THEMIS: variants seen among roughly 807,000 people sequenced by gnomAD.
THEMIS encodes protein THEMIS.
THEMIS carries 37 observed loss-of-function variants against 52.6 expected under a neutral mutation model. That is an observed-to-expected ratio of 0.70 (90% CI 0.54 to 0.93). THEMIS has a LOEUF of 0.93. THEMIS is among the 40% of genes least tolerant of loss of function. THEMIS has a pLI of 0.00. For synonymous variants in THEMIS, 292 were observed against 272.7 expected (o/e 1.07, Z -0.70); for missense variants, 808 against 763.1 (o/e 1.06, Z -0.69).
chr6:127,734,140 A>C (rs933151109), intron 4 of THEMIS, among the ~76,000 whole-genome samples: 1 of 152,234 alleles, frequency 6.6e-6, no homozygotes, highest in Non-Finnish European at 1.5e-5. Context: ...AGATTAAAGA[A>C]GATTTTAAAA....
intron 4 of THEMIS, among the ~76,000 whole-genome samples, chr6:127,757,045 T>C (rs1435337955): frequency 6.6e-6 from 1 of 152,192 alleles, no homozygotes. Context: ...CAGTAGAACT[T>C]TCTCTGACGA....
At chr6:127,729,196 C>A (rs1045042258) in intron 4 of THEMIS, among the ~76,000 whole-genome samples, 1 of 79,376 alleles carries the variant, frequency 1.3e-5, no homozygotes, top group Non-Finnish European at 3.1e-5. Context: ...CTCTCTCTCT[C>A]TCTCTCTTCA....
At chr6:127,725,259 C>T (rs1451350558) in intron 4 of THEMIS, among the ~76,000 whole-genome samples, 3 of 152,040 alleles carry the variant, frequency 2.0e-5, no homozygotes, top group Non-Finnish European at 2.9e-5. Flanking sequence ...CTCTCATTAA[C>T]TAACTTTCTT....
chr6:127,893,562 A>G (rs1780874166), intron 1 of THEMIS, among the ~76,000 whole-genome samples: 1 of 152,172 alleles, frequency 6.6e-6, no homozygotes, highest in African/African-American at 2.4e-5. Context: ...GCTTCACATC[A>G]ATAGGGCATA....
chr6:127,758,319 G>T (rs867397020), intron 4 of THEMIS, among the ~76,000 whole-genome samples: 5 of 149,316 alleles, frequency 3.3e-5, no homozygotes, highest in African/African-American at 1.2e-4. Context: ...ACCCACAAAC[G>T]GATCAATTTC....
intron 1 of THEMIS, among the ~76,000 whole-genome samples, chr6:127,879,081 T>C (rs945210109): frequency 2.6e-5 from 4 of 152,178 alleles, no homozygotes; most frequent in African/African-American, 9.7e-5. Flanking sequence ...ATTTGCTAGA[T>C]GTCAATTTAG....
At chr6:127,857,229 G>T (rs2114311121) in intron 1 of THEMIS, among the ~76,000 whole-genome samples, 1 of 152,058 alleles carries the variant, frequency 6.6e-6, no homozygotes. Flanking sequence ...GAAATACAGG[G>T]CAATGTGGGA....
At chr6:127,865,170 G>A (rs945782334) in intron 1 of THEMIS, among the ~76,000 whole-genome samples, 7 of 152,122 alleles carry the variant, frequency 4.6e-5, no homozygotes, top group Admixed American at 4.6e-4. Flanking sequence ...CTCATACAGT[G>A]TGGCCAAGGA....
intron 1 of THEMIS, among the ~76,000 whole-genome samples, chr6:127,912,016 G>A (rs1050641757): frequency 3.3e-5 from 5 of 152,096 alleles, no homozygotes; most frequent in African/African-American, 1.2e-4. Flanking sequence ...TTGGGTTATG[G>A]GTTTGCAGCT....
intron 4 of THEMIS, among the ~76,000 whole-genome samples, chr6:127,730,079 G>A (rs1774707864): frequency 1.3e-5 from 2 of 151,976 alleles, no homozygotes; most frequent in Non-Finnish European, 2.9e-5. Flanking sequence ...AGACAAGCCT[G>A]AGCAATATAG....
chr6:127,761,015 T>C lies in THEMIS; in HGVS notation c.1759-41192A>G, dbSNP rs754539526. The stretch of plus-strand genomic sequence containing the variant: ...ATTGACAAAATAATAAGACAACCTA[T>C]AGAATGGGAGAAAATGTTTGCAAAT... On this transcript the variant is annotated intron_variant, in intron 4 of 5. Transcript: ENST00000368248. Among the ~76,000 whole-genome samples, 108 of 152,062 alleles carry C rather than the reference T, an allele frequency of 7.1e-4. 1 individual carries two copies. Among genetic ancestry groups the C allele is most frequent in the Middle Eastern group, 6.8e-3 (2 of 294 alleles).
intron 4 of THEMIS, chr6:127,807,416 A>T (rs1414160758): frequency 2.0e-5 from 4 of 199,900 alleles, no homozygotes; most frequent in African/African-American, 1.0e-4. Flanking sequence ...TGTATCTCAC[A>T]GTCAAAAAAG....
At chr6:127,773,346 G>C (rs1408619126) in intron 4 of THEMIS, among the ~76,000 whole-genome samples, 1 of 152,130 alleles carries the variant, frequency 6.6e-6, no homozygotes, top group African/African-American at 2.4e-5. Context: ...AAATTCTAAT[G>C]CTAGAAACTT....
intron 4 of THEMIS, among the ~76,000 whole-genome samples, chr6:127,766,428 T>C (rs1175096649): frequency 6.6e-6 from 1 of 152,204 alleles, no homozygotes; most frequent in Non-Finnish European, 1.5e-5. Flanking sequence ...AAATAATGAG[T>C]TATCAGAGTT....
chr6:127,708,188 A>C (rs367746123), downstream of THEMIS: 6 of 152,220 alleles, frequency 3.9e-5, 1 homozygote, highest in Admixed American at 2.0e-4. Context: ...CATAGAAGAG[A>C]ACACATACAA....
chr6:127,736,864 A>AG (rs1562224622), intron 4 of THEMIS, among the ~76,000 whole-genome samples: 1 of 151,622 alleles, frequency 6.6e-6, no homozygotes, highest in Non-Finnish European at 1.5e-5. Flanking sequence ...AAAAAAAAAA[A>AG]AAAGAAAAAA....
At chr6:127,812,572 T>C (rs1583304414) in intron 4 of THEMIS, among the ~76,000 whole-genome samples, 1 of 152,220 alleles carries the variant, frequency 6.6e-6, no homozygotes. Flanking sequence ...TAAAAGAGGT[T>C]TGCTTCTAAG....
intron 4 of THEMIS, among the ~76,000 whole-genome samples, chr6:127,722,109 A>G (rs1239559221): frequency 6.6e-6 from 1 of 152,042 alleles, no homozygotes; most frequent in Non-Finnish European, 1.5e-5. Flanking sequence ...CACACTGGAC[A>G]TTTTATAAAC....
chr6:127,711,211 A>G (rs892459471), intron 5 of THEMIS, among the ~76,000 whole-genome samples: 2 of 151,874 alleles, frequency 1.3e-5, no homozygotes, highest in Non-Finnish European at 2.9e-5. Context: ...AAGGAGGAGA[A>G]TAATGCCTAT....
Sources: gnomAD v4.1 joint callset for allele counts (sites outside exome capture counted in the v4.1 genomes callset) on GRCh38, gnomAD v4.1.1 for gene constraint, MANE v1.5 for transcripts, NCBI Gene and HGNC (gene_info 2026-07-23, HGNC 2026-07-21) for gene names.